Variants in RALGAPA2 observed in about 807,000 individuals in gnomAD.
RALGAPA2 encodes Ral GTPase activating protein catalytic subunit alpha 2, also known as ral GTPase-activating protein subunit alpha-2.
RALGAPA2 carries 139 observed loss-of-function variants against 230.4 expected under a neutral mutation model. That is an observed-to-expected ratio of 0.60 (90% CI 0.53 to 0.69). The LOEUF (loss-of-function observed/expected upper bound fraction) is 0.69. Among genes scored for constraint, RALGAPA2 ranks in the 30% least tolerant of loss-of-function variants. RALGAPA2 has a pLI of 0.00. For synonymous variants in RALGAPA2, 847 were observed against 837.8 expected, an observed-to-expected ratio of 1.01 and a Z score of -0.19; for missense variants, 2,163 against 2,276.0, an observed-to-expected ratio of 0.95 and a Z score of 1.01.
chr20:20,443,994 T>C (rs2060803346), intron 37 of RALGAPA2, among the ~76,000 whole-genome samples: 1 of 152,240 alleles, frequency 6.6e-6, no homozygotes, highest in Non-Finnish European at 1.5e-5. Flanking sequence ...GAGAATCACC[T>C]AGTGGTTAAT....
chr20:20,486,521 T>C (rs2061915674), intron 36 of RALGAPA2, among the ~76,000 whole-genome samples: 2 of 152,220 alleles, frequency 1.3e-5, no homozygotes, highest in Admixed American at 6.5e-5. Flanking sequence ...CTCTGGCTCC[T>C]TTCAAGATTT....
At chr20:20,629,241 C>A in intron 10 of RALGAPA2, 122 bp downstream of exon 10, 1 of 758,576 alleles carries the variant, frequency 1.3e-6, no homozygotes, top group Non-Finnish European at 2.2e-6. Flanking sequence ...GTAACATAAC[C>A]CAACTCACCA....
chr20:20,499,958 T>C (rs954759609), intron 35 of RALGAPA2, among the ~76,000 whole-genome samples: 1 of 152,218 alleles, frequency 6.6e-6, no homozygotes, highest in African/African-American at 2.4e-5. Flanking sequence ...ATATAAACTT[T>C]TGTGTGCACT....
chr20:20,476,288 A>T (rs1037051865), intron 36 of RALGAPA2, among the ~76,000 whole-genome samples: 1 of 152,188 alleles, frequency 6.6e-6, no homozygotes, highest in Non-Finnish European at 1.5e-5. Context: ...AAGAAGACTT[A>T]TATTACCTAA....
At chr20:20,600,885 A>C (rs2065620789) in intron 16 of RALGAPA2, among the ~76,000 whole-genome samples, 1 of 152,214 alleles carries the variant, frequency 6.6e-6, no homozygotes, top group African/African-American at 2.4e-5. Context: ...GCAGATCACG[A>C]GGTCAGGAAT....
chr20:20,445,510 C>T (rs925621680), intron 37 of RALGAPA2, among the ~76,000 whole-genome samples: 2 of 152,142 alleles, frequency 1.3e-5, no homozygotes, highest in Non-Finnish European at 2.9e-5. Context: ...CCTGACTAGT[C>T]CACATCACTC....
chr20:20,609,119 C>G (rs530126902), intron 14 of RALGAPA2, among the ~76,000 whole-genome samples: 1 of 152,274 alleles, frequency 6.6e-6, no homozygotes, highest in East Asian at 1.9e-4. Flanking sequence ...CCTCAGCTCC[C>G]AAGTAACTGA....
intron 37 of RALGAPA2, among the ~76,000 whole-genome samples, chr20:20,453,614 T>C (rs971632163): frequency 6.6e-6 from 1 of 152,026 alleles, no homozygotes; most frequent in South Asian, 2.1e-4. Flanking sequence ...CACCCTCCAA[T>C]TGCCAGGTCA....
intron 1 of RALGAPA2, among the ~76,000 whole-genome samples, chr20:20,694,112 T>C (rs1053449133): frequency 4.3e-5 from 6 of 140,712 alleles, no homozygotes; most frequent in Non-Finnish European, 7.8e-5. Flanking sequence ...TCAAAAAAAA[T>C]GAAAAAATTT....
At chr20:20,574,211 A>C (rs567202001) in intron 20 of RALGAPA2, among the ~76,000 whole-genome samples, 2 of 152,332 alleles carry the variant, frequency 1.3e-5, no homozygotes, top group East Asian at 3.9e-4. Context: ...GATTTTAAGC[A>C]TGCAGTGATA....
At chr20:20,487,253 T>C (rs766398858) in intron 36 of RALGAPA2, among the ~76,000 whole-genome samples, 1 of 152,234 alleles carries the variant, frequency 6.6e-6, no homozygotes, top group Admixed American at 6.5e-5. Flanking sequence ...TAGCTGTAGA[T>C]GTCAGAGGTT....
intron 23 of RALGAPA2, among the ~76,000 whole-genome samples, chr20:20,549,238 T>C (rs1486261794): frequency 2.0e-5 from 3 of 152,210 alleles, no homozygotes; most frequent in Admixed American, 2.0e-4. Context: ...AAGATTTGTA[T>C]GTGTAAAGGC....
intron 13 of RALGAPA2, among the ~76,000 whole-genome samples, chr20:20,614,831 G>A (rs1417328832): frequency 6.6e-6 from 1 of 152,152 alleles, no homozygotes; most frequent in Non-Finnish European, 1.5e-5. Flanking sequence ...CTGATTCAAG[G>A]GCCTCCAGAA....
chr20:20,651,222 A>C (rs530663045), intron 4 of RALGAPA2, among the ~76,000 whole-genome samples: 42 of 152,340 alleles, frequency 2.8e-4, no homozygotes, highest in Admixed American at 2.4e-3. Flanking sequence ...TCCAAAGCAC[A>C]TCTAGTAAAG....
intron 20 of RALGAPA2, among the ~76,000 whole-genome samples, chr20:20,577,294 G>A (rs1269571799): frequency 6.6e-6 from 1 of 152,092 alleles, no homozygotes. Flanking sequence ...GTCCAAAAAT[G>A]GCTGCTCACT....
chr20:20,393,211 A>G lies in RALGAPA2; in HGVS notation c.*78T>C, dbSNP rs1422687136. The stretch of plus-strand genomic sequence containing the variant: ...AGGGTGTTCTGTCTCCTCCTCACTC[A>G]GGGGCTCTTCGAGGTCAGCACTCAG... On this transcript the variant is annotated 3_prime_UTR_variant, in exon 40 of 40. Transcript: ENST00000202677. 5 of 1,352,602 alleles carry G rather than the reference A, an allele frequency of 3.7e-6. No homozygotes were observed. The highest frequency in any genetic ancestry group is 3.0e-5 in the African/African-American group (2 of 67,450). The allele number at this position is 1,352,602 out of a possible 1,614,324, so 83.8% of individuals were successfully genotyped here.
At chr20:20,472,708 G>A (rs796326977) in intron 37 of RALGAPA2, 121 bp downstream of exon 37, 1 of 1,053,138 alleles carries the variant, frequency 9.5e-7, no homozygotes, top group Non-Finnish European at 1.3e-6. Flanking sequence ...TTTTAACAGA[G>A]GTTGAAAAAA....
At chr20:20,674,086 C>T (rs954428052) in intron 3 of RALGAPA2, among the ~76,000 whole-genome samples, 2 of 151,874 alleles carry the variant, frequency 1.3e-5, no homozygotes, top group Admixed American at 1.3e-4. Flanking sequence ...GTCCCACCTA[C>T]TCAGGAGGCT....
intron 27 of RALGAPA2, among the ~76,000 whole-genome samples, chr20:20,528,648 C>A (rs2063289586): frequency 6.6e-6 from 1 of 152,180 alleles, no homozygotes; most frequent in African/African-American, 2.4e-5. Context: ...CCACCCCATG[C>A]CTGCCATCCA....
Sources: allele counts gnomAD v4.1 joint callset (sites outside exome capture counted in the v4.1 genomes callset), GRCh38; gene constraint gnomAD v4.1.1; transcripts MANE v1.5; gene names NCBI Gene and HGNC (gene_info 2026-07-23, HGNC 2026-07-21).